The following CRACR2A variants were observed in gnomAD, a reference collection of about 807,000 sequenced individuals.
The protein encoded by CRACR2A is calcium release activated channel regulator 2A, also known as EF-hand calcium-binding domain-containing protein 4B.
A neutral mutation model predicts 90.5 loss-of-function variants in CRACR2A; 79 were observed. That is an observed-to-expected ratio of 0.87 (90% CI 0.73 to 1.05). The LOEUF is 1.05. CRACR2A is among the 50% of genes least tolerant of loss of function. The pLI, the probability that CRACR2A is intolerant of heterozygous loss-of-function variation, is 0.00. For synonymous variants in CRACR2A, 338 were observed against 356.7 expected (o/e 0.95, Z 0.59); for missense variants, 823 against 897.2 (o/e 0.92, Z 1.06).
intron 2 of CRACR2A, among the ~76,000 whole-genome samples, chr12:3,720,719 A>G (rs1360087172): frequency 6.6e-6 from 1 of 152,176 alleles, no homozygotes; most frequent in Non-Finnish European, 1.5e-5. Context: ...CCCACTTCCA[A>G]TCCTCGCTCA....
intron 2 of CRACR2A, chr12:3,729,977 A>T (rs1258811348): frequency 6.6e-6 from 1 of 152,178 alleles, no homozygotes; most frequent in Non-Finnish European, 1.5e-5. Context: ...GCAATTACTC[A>T]GATAGTGCAC....
chr12:3,667,511 C>T (rs2137545704), intron 7 of CRACR2A, among the ~76,000 whole-genome samples: 2 of 152,260 alleles, frequency 1.3e-5, no homozygotes, highest in South Asian at 4.1e-4. Flanking sequence ...ACATTCCCTC[C>T]CACCCCCTGC....
chr12:3,628,199 T>G (rs966679994), intron 15 of CRACR2A, among the ~76,000 whole-genome samples: 3 of 148,448 alleles, frequency 2.0e-5, no homozygotes, highest in Admixed American at 2.0e-4. Flanking sequence ...CTCTCTCTCT[T>G]TCTCTCTTCC....
intron 3 of CRACR2A, among the ~76,000 whole-genome samples, chr12:3,700,714 G>A (rs904431468): frequency 6.6e-6 from 1 of 152,050 alleles, no homozygotes; most frequent in African/African-American, 2.4e-5. Flanking sequence ...AATACACAAA[G>A]CACAAACTGA....
chr12:3,648,492 C>G (rs757786786), intron 11 of CRACR2A, 50 bp downstream of exon 11: 1 of 1,613,726 alleles, frequency 6.2e-7, no homozygotes, highest in South Asian at 1.1e-5. Context: ...CCTTCCGACC[C>G]CAGGCTTCTG....
At chr12:3,686,120 G>A (rs186699182) in intron 4 of CRACR2A, among the ~76,000 whole-genome samples, 1 of 152,262 alleles carries the variant, frequency 6.6e-6, no homozygotes, top group Non-Finnish European at 1.5e-5. Context: ...ACACAAATTC[G>A]TATTACTAGC....
chr12:3,731,196 G>A (rs931373688), intron 2 of CRACR2A: 3 of 152,464 alleles, frequency 2.0e-5, no homozygotes, highest in South Asian at 2.1e-4. Flanking sequence ...CCACCTCCAG[G>A]GGGAAAGTGA....
At chr12:3,625,530 G>A (rs1944239508) in intron 17 of CRACR2A, among the ~76,000 whole-genome samples, 1 of 150,504 alleles carries the variant, frequency 6.6e-6, no homozygotes, top group Admixed American at 6.6e-5. Flanking sequence ...TAGATACTGG[G>A]GGACAACTAA....
chr12:3,684,725 G>C (rs1234227728), intron 4 of CRACR2A, among the ~76,000 whole-genome samples: 2 of 152,194 alleles, frequency 1.3e-5, no homozygotes, highest in African/African-American at 4.8e-5. Context: ...TCACTTGGCT[G>C]TACACCACTA....
At chr12:3,676,745 G>A (rs1166180752) in intron 6 of CRACR2A, among the ~76,000 whole-genome samples, 1 of 108,552 alleles carries the variant, frequency 9.2e-6, no homozygotes, top group Non-Finnish European at 1.9e-5. Context: ...CCACATCTAT[G>A]GCAGGTATTA....
rs147733337 is a variant in CRACR2A, at chr12:3,724,268, A to T, written c.-118+8674T>A. 2.0e-5 allele frequency among the ~76,000 whole-genome samples: 3 copies of T among 152,310 alleles called. No homozygotes were observed. The East Asian group carries it at 5.8e-4, about 29-fold the overall frequency. On this transcript the variant is annotated intron_variant, in intron 2 of 19. Coordinates refer to ENST00000440314, the MANE Select transcript of CRACR2A (RefSeq NM_001144958.2). The stretch of plus-strand genomic sequence containing the variant: ...AACACCTGGGAAATGCACGCACAAG[A>T]TCCAGAAATGAGATTGGTGTGTTCT...
intron 10 of CRACR2A, among the ~76,000 whole-genome samples, chr12:3,653,127 C>T (rs543123694): frequency 4.6e-5 from 7 of 152,126 alleles, no homozygotes; most frequent in South Asian, 4.1e-4. Context: ...AGATTACAGG[C>T]GTGCGCCATC....
chr12:3,739,530 A>G (rs1591723814), intron 1 of CRACR2A, among the ~76,000 whole-genome samples: 2 of 152,224 alleles, frequency 1.3e-5, no homozygotes, highest in East Asian at 3.8e-4. Flanking sequence ...CTAAGATAAA[A>G]TTCTGGCACT....
At chr12:3,680,389 C>A (rs780927982) in intron 4 of CRACR2A, 40 bp from the exon 5 acceptor site, 87 of 1,542,042 alleles carry the variant, frequency 5.6e-5, no homozygotes, top group Non-Finnish European at 7.7e-5. Flanking sequence ...CACTGACACT[C>A]ACTGGTGGGG....
At chr12:3,627,790 T>A in intron 15 of CRACR2A, 84 bp from the exon 16 acceptor site, 1 of 1,349,112 alleles carries the variant, frequency 7.4e-7, no homozygotes, top group Non-Finnish European at 1.0e-6. Flanking sequence ...TTCCAACATC[T>A]GAAATCACAT....
In CRACR2A at chr12:3,739,701, C is replaced by T. The variant is rs139705624; in HGVS notation, c.-386-6491G>A. Among the ~76,000 whole-genome samples the T allele has an allele frequency of 9.2e-3, 1,404 of 152,050 alleles. 14 individuals carry two copies. Among genetic ancestry groups the T allele is most frequent in the Middle Eastern group, 0.031 (9 of 294 alleles). On this transcript the variant is annotated intron_variant, in intron 1 of 19. Transcript: ENST00000440314. ...CTGTAATCCCAGCACTTTGGGAGGC[C>T]GAGGCGGGTGGATCATGAAGTCAGG... is the stretch of plus-strand genomic sequence containing the variant.
At chr12:3,697,136 G>T in intron 3 of CRACR2A, 101 bp from the exon 4 acceptor site, 2 of 1,371,328 alleles carry the variant, frequency 1.5e-6, no homozygotes, top group Non-Finnish European at 1.9e-6. Context: ...CCATACACCA[G>T]TGTGTCCAGG....
At chr12:3,745,054 G>C (rs1487703272) in intron 1 of CRACR2A, among the ~76,000 whole-genome samples, 1 of 152,032 alleles carries the variant, frequency 6.6e-6, no homozygotes, top group East Asian at 1.9e-4. Flanking sequence ...ATAACATAAA[G>C]AAGAGTTGGA....
chr12:3,637,814 A>G (rs1944483693), intron 14 of CRACR2A, among the ~76,000 whole-genome samples: 1 of 152,222 alleles, frequency 6.6e-6, no homozygotes, highest in African/African-American at 2.4e-5. Flanking sequence ...CTGGCCAAGA[A>G]GGCACCCCTC....
Sources: allele counts gnomAD v4.1 joint callset (sites outside exome capture counted in the v4.1 genomes callset), GRCh38; gene constraint gnomAD v4.1.1; transcripts MANE v1.5; gene names NCBI Gene and HGNC (gene_info 2026-07-23, HGNC 2026-07-21).